Variants in RBFOX1 observed in about 807,000 individuals in gnomAD.
The protein encoded by RBFOX1 is RNA binding protein fox-1 homolog 1.
Under a neutral mutation model 57.7 loss-of-function variants are expected in RBFOX1, and 8 were observed. The ratio of observed to expected loss-of-function variants is 0.14; its 90% CI spans 0.08 to 0.25. The LOEUF is 0.25. Ranked by LOEUF, RBFOX1 falls within the 10% of genes least tolerant of loss-of-function variation. RBFOX1 has a pLI of 1.00. For missense variants in RBFOX1, 611 were observed against 548.5 expected (o/e 1.11, Z -1.14); for synonymous variants, 326 against 222.4 (o/e 1.47, Z -4.15).
At chr16:7,537,747 AG>A (rs1272421838) in intron 5 of RBFOX1, among the ~76,000 whole-genome samples, 1 of 152,178 alleles carries the variant, frequency 6.6e-6, no homozygotes, top group Non-Finnish European at 1.5e-5. Context: ...GAATTAACGC[AG>A]GAGCCAGAGA....
chr16:5,643,326 C>T (rs1323902666), intron 3 of RBFOX1, among the ~76,000 whole-genome samples: 1 of 152,190 alleles, frequency 6.6e-6, no homozygotes, highest in East Asian at 1.9e-4. Flanking sequence ...TGGCTGCCCC[C>T]TGCTCACTCC....
intron 2 of RBFOX1, among the ~76,000 whole-genome samples, chr16:5,581,309 C>G (rs1353024406): frequency 6.6e-6 from 1 of 152,198 alleles, no homozygotes; most frequent in Non-Finnish European, 1.5e-5. Context: ...GACAGAGGTC[C>G]TAACTCTAGC....
intron 3 of RBFOX1, among the ~76,000 whole-genome samples, chr16:6,696,218 G>T (rs1248278581): frequency 1.3e-5 from 2 of 152,106 alleles, no homozygotes; most frequent in Non-Finnish European, 2.9e-5. Flanking sequence ...TGCTTAAATT[G>T]AGGTATACAA....
chr16:6,773,086 T>C (rs529075665), intron 3 of RBFOX1, among the ~76,000 whole-genome samples: 2 of 142,268 alleles, frequency 1.4e-5, no homozygotes, highest in Non-Finnish European at 3.0e-5. Context: ...TATATGTATG[T>C]GTGGGCGTGG....
chr16:6,629,973 T>TA (rs146210467), intron 2 of RBFOX1, among the ~76,000 whole-genome samples: 5,337 of 129,954 alleles, frequency 0.041, 156 homozygotes, highest in Non-Finnish European at 0.055. Flanking sequence ...TTTTTTTTTT[T>TA]AAAAAAAAAA....
At chr16:6,725,037 G>A (rs1461812644) in intron 3 of RBFOX1, among the ~76,000 whole-genome samples, 3 of 142,644 alleles carry the variant, frequency 2.1e-5, no homozygotes, top group African/African-American at 7.6e-5. Context: ...CTTGGTTTTG[G>A]CTAGCTTTTT....
At chr16:7,656,386 G>C (rs878950951) in intron 12 of RBFOX1, among the ~76,000 whole-genome samples, 2 of 151,870 alleles carry the variant, frequency 1.3e-5, no homozygotes, top group Admixed American at 1.3e-4. Flanking sequence ...ATGGCAAGGG[G>C]ATGGCTCCTC....
At chr16:6,553,737 G>A (rs2097037278) in intron 2 of RBFOX1, among the ~76,000 whole-genome samples, 1 of 152,200 alleles carries the variant, frequency 6.6e-6, no homozygotes, top group Admixed American at 6.5e-5. Flanking sequence ...GAGAAGGACA[G>A]CAAAAGGTGA....
intron 4 of RBFOX1, among the ~76,000 whole-genome samples, chr16:5,969,551 T>C: frequency 6.7e-6 from 1 of 150,182 alleles, no homozygotes; most frequent in African/African-American, 2.5e-5. Flanking sequence ...CTCGAACTGC[T>C]GATCTCATGA....
intron 4 of RBFOX1, among the ~76,000 whole-genome samples, chr16:5,907,622 G>T (rs374192642): frequency 6.6e-6 from 1 of 152,090 alleles, no homozygotes; most frequent in African/African-American, 2.4e-5. Context: ...AACAACCCCT[G>T]AGTAGGACTC....
intron 2 of RBFOX1, among the ~76,000 whole-genome samples, chr16:6,428,330 A>G (rs2093987506): frequency 6.6e-6 from 1 of 151,552 alleles, no homozygotes. Flanking sequence ...CCTAGTTAGC[A>G]TTCCATACAT....
chr16:7,678,353 A>T (rs548483939), intron 14 of RBFOX1, among the ~76,000 whole-genome samples: 1 of 152,190 alleles, frequency 6.6e-6, no homozygotes, highest in African/African-American at 2.4e-5. Context: ...AATGATGACA[A>T]TCTTGAAATA....
intron 3 of RBFOX1, among the ~76,000 whole-genome samples, chr16:6,728,198 C>G (rs1022991025): frequency 2.6e-5 from 4 of 152,194 alleles, no homozygotes; most frequent in Admixed American, 2.0e-4. Context: ...TCACTTCTTA[C>G]GGTCATTGTA....
At chr16:6,509,657 A>T (rs1286740214) in intron 2 of RBFOX1, among the ~76,000 whole-genome samples, 1 of 152,214 alleles carries the variant, frequency 6.6e-6, no homozygotes, top group African/African-American at 2.4e-5. Flanking sequence ...AAAAAATTTA[A>T]GTGTACATTT....
Position 6,726,127 on chromosome 16 carries a change from A to T in RBFOX1, c.-16+71477A>T, listed in dbSNP as rs541049588. On this transcript the variant is annotated intron_variant, in intron 3 of 15. Transcript: ENST00000550418. ...GAGAACTTTGTTACACAGAGCCAGG[A>T]GGGGGCAGTAAATTTCCTTTTTTAC... Among the ~76,000 whole-genome samples, 10 of 152,256 alleles carry T rather than the reference A, an allele frequency of 6.6e-5. No individual in the cohort carries two copies. In the East Asian group the frequency reaches 1.7e-3, roughly 26 times the overall value.
chr16:7,042,713 G>A (rs1360553508), intron 3 of RBFOX1, among the ~76,000 whole-genome samples: 2 of 152,184 alleles, frequency 1.3e-5, no homozygotes, highest in African/African-American at 4.8e-5. Flanking sequence ...ATCATTTGAG[G>A]TCAGGAGTTC....
intron 3 of RBFOX1, among the ~76,000 whole-genome samples, chr16:6,853,346 G>T (rs1045647294): frequency 1.3e-5 from 2 of 152,128 alleles, no homozygotes; most frequent in African/African-American, 2.4e-5. Context: ...GCATACCTCT[G>T]TGCATTGTAG....
At chr16:6,229,049 A>G (rs990897220) in intron 1 of RBFOX1, among the ~76,000 whole-genome samples, 4 of 152,252 alleles carry the variant, frequency 2.6e-5, no homozygotes, top group Non-Finnish European at 5.9e-5. Context: ...TGGGTGGATG[A>G]GACACACAGA....
intron 3 of RBFOX1, among the ~76,000 whole-genome samples, chr16:5,858,428 G>C (rs1436949572): frequency 6.6e-6 from 1 of 152,130 alleles, no homozygotes; most frequent in Non-Finnish European, 1.5e-5. Flanking sequence ...TTCCTTAATA[G>C]ACCAACTTCA....
Sources: allele counts gnomAD v4.1 joint callset (sites outside exome capture counted in the v4.1 genomes callset), GRCh38; gene constraint gnomAD v4.1.1; transcripts MANE v1.5; gene names NCBI Gene and HGNC (gene_info 2026-07-23, HGNC 2026-07-21).